Variants in CDCP1 observed in about 807,000 individuals in gnomAD.
CDCP1 encodes CUB domain-containing protein 1.
In CDCP1, 29 loss-of-function variants were observed where a neutral mutation model predicts 60.2. The ratio of observed to expected loss-of-function variants is 0.48; its 90% CI spans 0.36 to 0.66. The LOEUF (loss-of-function observed/expected upper bound fraction) is 0.66. Ranked by LOEUF, CDCP1 falls within the 30% of genes least tolerant of loss-of-function variation. The pLI is 0.00. For missense variants in CDCP1, 876 were observed against 1,074.3 expected (o/e 0.82, Z 2.58); for synonymous variants, 387 against 431.1 (o/e 0.90, Z 1.27).
chr3:45,135,565 G>A (rs764399728), intron 1 of CDCP1, among the ~76,000 whole-genome samples: 17 of 152,196 alleles, frequency 1.1e-4, no homozygotes, highest in African/African-American at 3.4e-4. Context: ...TCTGAATTGC[G>A]TCTTTCCAGA....
rs1417713180 is a variant in CDCP1, at chr3:45,084,058, A to G, written c.*1580T>C. Reference sequence around the variant, plus strand: ...AATGCAACCTGCAGGGGCATTGATCAGTAGAAACAAACACTCAGCCTCATT... The same window carrying G: ...AATGCAACCTGCAGGGGCATTGATCGGTAGAAACAAACACTCAGCCTCATT... On this transcript the variant is annotated 3_prime_UTR_variant, in exon 9 of 9. Coordinates refer to ENST00000296129, the MANE Select transcript of CDCP1 (RefSeq NM_022842.5). The G allele has an allele frequency of 6.6e-6, 1 of 152,150 alleles. No homozygotes were observed. Among genetic ancestry groups the G allele is most frequent in the African/African-American group, 2.4e-5 (1 of 41,412 alleles). The allele number at this position is 152,150 out of a possible 1,614,324, so 9.4% of individuals were successfully genotyped here. A position where few individuals can be genotyped will look rare whatever the true frequency, so the allele number is the denominator to read the frequency against.
intron 1 of CDCP1, among the ~76,000 whole-genome samples, chr3:45,142,269 C>G (rs566314837): frequency 6.6e-6 from 1 of 152,198 alleles, no homozygotes; most frequent in Non-Finnish European, 1.5e-5. Context: ...ACTCCTCTCC[C>G]TACCCACTCC....
chr3:45,120,160 C>T (rs957844947), intron 1 of CDCP1, among the ~76,000 whole-genome samples: 2 of 152,188 alleles, frequency 1.3e-5, no homozygotes, highest in African/African-American at 4.8e-5. Flanking sequence ...CTAGCCTGCA[C>T]AAGACTGGAT....
intron 4 of CDCP1, among the ~76,000 whole-genome samples, chr3:45,105,977 A>G (rs1418763712): frequency 6.6e-6 from 1 of 152,168 alleles, no homozygotes; most frequent in East Asian, 1.9e-4. Context: ...ATCACTGCTT[A>G]CAGATGTGGT....
At chr3:45,125,588 T>C (rs1052369070) in intron 1 of CDCP1, among the ~76,000 whole-genome samples, 1 of 152,238 alleles carries the variant, frequency 6.6e-6, no homozygotes, top group East Asian at 1.9e-4. Context: ...TTATCAATGA[T>C]AGCATATTAC....
chr3:45,095,722 C>T (rs1417487245), intron 4 of CDCP1, among the ~76,000 whole-genome samples, 154 bp from the exon 5 acceptor site: 1 of 152,030 alleles, frequency 6.6e-6, no homozygotes, highest in Non-Finnish European at 1.5e-5. Flanking sequence ...GGCAACATTA[C>T]AATAACTATA....
At chr3:45,141,137 G>A (rs1418344416) in intron 1 of CDCP1, among the ~76,000 whole-genome samples, 1 of 151,958 alleles carries the variant, frequency 6.6e-6, no homozygotes, top group African/African-American at 2.4e-5. Flanking sequence ...GGAGGTGGGG[G>A]TTGCAGTGAG....
chr3:45,120,907 C>T (rs1168478545), intron 1 of CDCP1, among the ~76,000 whole-genome samples: 1 of 9,514 alleles, frequency 1.1e-4, no homozygotes, highest in Non-Finnish European at 3.9e-4. Flanking sequence ...CTAAAGTGCT[C>T]CCCTCCCCCC....
chr3:45,096,224 C>G (rs1293500400), intron 4 of CDCP1, among the ~76,000 whole-genome samples: 2 of 152,162 alleles, frequency 1.3e-5, no homozygotes, highest in Non-Finnish European at 2.9e-5. Flanking sequence ...CCATGAGTGC[C>G]CACGTTTAAC....
At chr3:45,114,273 C>T (rs952024115) in intron 2 of CDCP1, among the ~76,000 whole-genome samples, 3 of 152,250 alleles carry the variant, frequency 2.0e-5, no homozygotes, top group African/African-American at 7.2e-5. Context: ...TGGCATGCCT[C>T]GGAATCTTCT....
intron 3 of CDCP1, 113 bp downstream of exon 3, chr3:45,111,970 T>C: frequency 7.4e-7 from 1 of 1,342,574 alleles, no homozygotes; most frequent in Admixed American, 2.4e-5. Context: ...TCTTCCTTTA[T>C]GGTTTTTATA....
intron 1 of CDCP1, among the ~76,000 whole-genome samples, chr3:45,122,653 C>T (rs1267885403): frequency 1.3e-5 from 2 of 151,994 alleles, no homozygotes; most frequent in Non-Finnish European, 2.9e-5. Flanking sequence ...GGGGTTTCAC[C>T]ATGTTGGCTG....
In CDCP1 at chr3:45,087,513, C is replaced by T. The variant is rs971284708; in HGVS notation, c.2082-1446G>A. Among the ~76,000 whole-genome samples, 6 of 152,178 alleles carry T rather than the reference C, an allele frequency of 3.9e-5. 1 individual carries two copies. Among genetic ancestry groups the T allele is most frequent in the South Asian group, 4.1e-4 (2 of 4,828 alleles). ...CCAACTGGGTGGGCTATTCCGTGCACCGCAGATGGGAAAATTCCCTGAGAG... is the reference window on the plus strand; with the variant it reads ...CCAACTGGGTGGGCTATTCCGTGCATCGCAGATGGGAAAATTCCCTGAGAG... On this transcript the variant is annotated intron_variant, in intron 8 of 8. Transcript: ENST00000296129.
intron 1 of CDCP1, among the ~76,000 whole-genome samples, chr3:45,119,892 A>G (rs1422840229): frequency 1.3e-5 from 2 of 152,204 alleles, no homozygotes; most frequent in Non-Finnish European, 2.9e-5. Flanking sequence ...AAAACTGTCA[A>G]TGAGTTTGTC....
At chr3:45,142,754 G>T (rs572441525) in intron 1 of CDCP1, among the ~76,000 whole-genome samples, 1 of 151,484 alleles carries the variant, frequency 6.6e-6, no homozygotes, top group South Asian at 2.1e-4. Flanking sequence ...TCCAGAACAC[G>T]GAAATACGCG....
chr3:45,145,634 C>G (rs944728694), intron 1 of CDCP1, among the ~76,000 whole-genome samples: 1 of 152,178 alleles, frequency 6.6e-6, no homozygotes, highest in Non-Finnish European at 1.5e-5. Context: ...ATTTTTGCAC[C>G]AACGCTCTTC....
intron 1 of CDCP1, among the ~76,000 whole-genome samples, chr3:45,136,898 G>T (rs1354786122): frequency 6.6e-6 from 1 of 152,196 alleles, no homozygotes; most frequent in African/African-American, 2.4e-5. Context: ...TTATTACAAA[G>T]GAATCTGGAG....
At position 45,093,319 on chromosome 3, in the gene CDCP1, A is replaced by T; in HGVS notation, c.1585T>A (p.Ser529Thr). Residue 529 changes from serine to threonine, a missense_variant, in exon 6 of 9, where the codon TCC (serine) becomes ACC (threonine). Coordinates refer to ENST00000296129, the MANE Select transcript of CDCP1 (RefSeq NM_022842.5). ...AAGGACACCGTCAGACCCTGCCTGG[A>T]GGCCTCTTGTTGGAAGCTGGGGGCA... is the stretch of plus-strand genomic sequence containing the variant. ...TFAPSFQQEA[S>T]RQGLTVSFIP... The T allele has an allele frequency of 6.2e-7, 1 of 1,614,174 alleles. No homozygotes were observed. Among genetic ancestry groups the T allele is most frequent in the Non-Finnish European group, 8.5e-7 (1 of 1,180,026 alleles).
rs763105924 is a variant in CDCP1, at chr3:45,089,169, T to C, written c.1994-28A>G. On this transcript the variant is annotated intron_variant, in intron 7 of 8. Coordinates refer to ENST00000296129, the MANE Select transcript of CDCP1 (RefSeq NM_022842.5). Reference sequence around the variant, plus strand: ...GTGAGCAGAGACATAAAGAGACAGATGAAGAGGCAGCTGGGGTGAGCTCTG... The same window carrying C: ...GTGAGCAGAGACATAAAGAGACAGACGAAGAGGCAGCTGGGGTGAGCTCTG... 1.9e-6 allele frequency: 3 copies of C among 1,589,846 alleles called. No individual in the cohort carries two copies. In the South Asian group the frequency reaches 3.3e-5, roughly 18 times the overall value.
Sources: gnomAD v4.1 joint callset for allele counts (sites outside exome capture counted in the v4.1 genomes callset) on GRCh38, gnomAD v4.1.1 for gene constraint, MANE v1.5 for transcripts, NCBI Gene and HGNC (gene_info 2026-07-23, HGNC 2026-07-21) for gene names.